The following PUM1 variants were observed in gnomAD, a reference collection of about 807,000 sequenced individuals.
The protein encoded by PUM1 is pumilio RNA binding family member 1.
Under a neutral mutation model 131.8 loss-of-function variants are expected in PUM1, and 13 were observed. That is an observed-to-expected ratio of 0.10 (90% confidence interval 0.06 to 0.16). The LOEUF is 0.16. Ranked by LOEUF, PUM1 falls within the 10% of genes least tolerant of loss-of-function variation. The pLI, the probability that PUM1 is intolerant of heterozygous loss-of-function variation, is 1.00. For missense variants in PUM1, 961 were observed against 1,512.4 expected (o/e 0.64, Z 6.05); for synonymous variants, 509 against 556.5 (o/e 0.91, Z 1.20).
chr1:31,065,635 A>G lies in PUM1; in HGVS notation c.-31T>C. Reference sequence around the variant, plus strand: ...ACTCACGGGCGGAGCGGTAGGATGAAGATGGATTTCAGCCCCCCGATCTTC... The same window carrying G: ...ACTCACGGGCGGAGCGGTAGGATGAGGATGGATTTCAGCCCCCCGATCTTC... On this transcript the variant is annotated 5_prime_UTR_variant, in exon 1 of 22. Coordinates refer to ENST00000426105, the MANE Select transcript of PUM1 (RefSeq NM_001020658.2). The G allele has an allele frequency of 1.3e-6, 2 of 1,549,004 alleles. No homozygotes were observed. The highest frequency in any genetic ancestry group is 2.4e-5 in the South Asian group (2 of 84,054).
intron 2 of PUM1, chr1:31,055,247 G>A (rs941620928): frequency 9.2e-6 from 4 of 435,220 alleles, no homozygotes; most frequent in Admixed American, 5.0e-5. Flanking sequence ...TGCCTATCAA[G>A]TGGCCTCTAC....
intron 2 of PUM1, among the ~76,000 whole-genome samples, chr1:31,032,325 CTGTAAGAAATATT>C (rs1339825210): frequency 1.3e-5 from 2 of 152,140 alleles, no homozygotes; most frequent in Admixed American, 6.5e-5. Flanking sequence ...AATGAAGGCA[CTGTAAGAAATATT>C]TGTAAGAAAT....
chr1:31,036,383 T>C (rs550625602), intron 2 of PUM1, among the ~76,000 whole-genome samples: 38 of 152,236 alleles, frequency 2.5e-4, no homozygotes, highest in African/African-American at 8.9e-4. Context: ...TTCAGCTCTT[T>C]ATGCCTTTTA....
intron 7 of PUM1, among the ~76,000 whole-genome samples, chr1:30,988,473 T>TA (rs1347050341): frequency 7.2e-5 from 11 of 152,128 alleles, no homozygotes; most frequent in African/African-American, 2.2e-4. Context: ...ATTCCTATTC[T>TA]AAAAAATCAC....
intron 3 of PUM1, among the ~76,000 whole-genome samples, chr1:31,018,481 AC>A (rs34266054): frequency 1.3e-5 from 2 of 151,944 alleles, no homozygotes. Context: ...ATGTGGTGAA[AC>A]CCCGTCTCTA....
In PUM1 at chr1:31,052,103, C is replaced by A. The variant is rs563328042; in HGVS notation, c.363+7101G>T. ...TCTTGGCTCACTGCAAGCTCCACCT[C>A]CCGGGTTCATGCCATTCTCCTGCCT... On this transcript the variant is annotated intron_variant, in intron 2 of 21. Coordinates refer to ENST00000426105, the MANE Select transcript of PUM1 (RefSeq NM_001020658.2). Among the ~76,000 whole-genome samples the A allele has an allele frequency of 1.2e-3, 179 of 152,064 alleles. 1 individual carries two copies. Among genetic ancestry groups the A allele is most frequent in the Middle Eastern group, 3.4e-3 (1 of 294 alleles).
intron 1 of PUM1, among the ~76,000 whole-genome samples, 163 bp downstream of exon 1, chr1:31,065,453 C>T (rs1644462828): frequency 6.7e-6 from 1 of 148,574 alleles, no homozygotes. Context: ...GACTCCAAAA[C>T]ATGTACGAGG....
At chr1:30,980,483 T>C (rs1641317139) in intron 8 of PUM1, among the ~76,000 whole-genome samples, 1 of 152,310 alleles carries the variant, frequency 6.6e-6, no homozygotes, top group Admixed American at 6.5e-5. Flanking sequence ...TAAAGACTAA[T>C]ATTAAAATGG....
At chr1:31,009,541 G>A (rs139556249) in intron 3 of PUM1, among the ~76,000 whole-genome samples, 1 of 152,096 alleles carries the variant, frequency 6.6e-6, no homozygotes, top group Non-Finnish European at 1.5e-5. Context: ...TGAGGCAGGT[G>A]AATCACCTGA....
chr1:30,944,187 T>C (rs377299140), intron 18 of PUM1, among the ~76,000 whole-genome samples: 73 of 152,294 alleles, frequency 4.8e-4, no homozygotes, highest in African/African-American at 1.2e-3. Context: ...ATTGTGGTCA[T>C]TGAGCAAACA....
rs116391958 is a variant in PUM1, at chr1:31,030,574, G to A, written c.364-1710C>T. On this transcript the variant is annotated intron_variant, in intron 2 of 21. Coordinates refer to ENST00000426105, the MANE Select transcript of PUM1 (RefSeq NM_001020658.2). The stretch of plus-strand genomic sequence containing the variant: ...AAATAAAAATAAAATAGCTGGGCAC[G>A]GTGATGCACGCCTATGGTCCCAGCT... Among the ~76,000 whole-genome samples, 828 of 152,062 alleles carry A rather than the reference G, an allele frequency of 5.4e-3. 3 individuals carry two copies. Among genetic ancestry groups the A allele is most frequent in the Non-Finnish European group, 7.7e-3 (522 of 67,972 alleles).
chr1:31,003,578 G>A (rs1490043822), intron 5 of PUM1, among the ~76,000 whole-genome samples: 1 of 152,088 alleles, frequency 6.6e-6, no homozygotes, highest in African/African-American at 2.4e-5. Flanking sequence ...CCAACATGGG[G>A]AAACCGGATC....
chr1:30,934,684 T>A (rs190019498), intron 21 of PUM1, among the ~76,000 whole-genome samples: 12 of 152,328 alleles, frequency 7.9e-5, no homozygotes, highest in African/African-American at 2.9e-4. Flanking sequence ...TCATGAGAAC[T>A]TGAGGTTCAA....
chr1:30,952,589 T>C (rs1639978503), intron 15 of PUM1, among the ~76,000 whole-genome samples: 1 of 150,980 alleles, frequency 6.6e-6, no homozygotes, highest in Non-Finnish European at 1.5e-5. Context: ...CTTTGAAAAT[T>C]ACATATAAAT....
intron 17 of PUM1, among the ~76,000 whole-genome samples, chr1:30,946,894 C>T (rs767559089): frequency 2.0e-5 from 3 of 151,888 alleles, no homozygotes; most frequent in Non-Finnish European, 4.4e-5. Flanking sequence ...GACAGAGCAA[C>T]ACCCTGTCTC....
intron 10 of PUM1, among the ~76,000 whole-genome samples, chr1:30,974,284 G>A (rs1489018518): frequency 6.6e-6 from 1 of 152,148 alleles, no homozygotes; most frequent in African/African-American, 2.4e-5. Context: ...TAGTACCCCT[G>A]CTTTAGTGTC....
intron 5 of PUM1, 61 bp from the exon 6 acceptor site, chr1:30,995,281 T>C: frequency 1.3e-6 from 2 of 1,573,934 alleles, no homozygotes; most frequent in Admixed American, 1.7e-5. Flanking sequence ...CGGGCAACCG[T>C]TGTGGGCACC....
intron 5 of PUM1, among the ~76,000 whole-genome samples, chr1:31,001,945 G>A (rs938018150): frequency 6.6e-6 from 1 of 152,116 alleles, no homozygotes; most frequent in Admixed American, 6.5e-5. Context: ...TGATTCATTC[G>A]CTCTCAGGTA....
intron 2 of PUM1, among the ~76,000 whole-genome samples, chr1:31,052,138 G>C (rs527506437): frequency 6.6e-6 from 1 of 151,656 alleles, no homozygotes; most frequent in Non-Finnish European, 1.5e-5. Flanking sequence ...TCAGACTCCC[G>C]AGTAGCTGGG....
Sources: allele counts gnomAD v4.1 joint callset (sites outside exome capture counted in the v4.1 genomes callset), GRCh38; gene constraint gnomAD v4.1.1; transcripts MANE v1.5; gene names NCBI Gene and HGNC (gene_info 2026-07-23, HGNC 2026-07-21).